Variants in CSPG5 observed in about 807,000 individuals in gnomAD.
CSPG5 encodes the protein chondroitin sulfate proteoglycan 5.
Under a neutral mutation model 39.8 loss-of-function variants are expected in CSPG5, and 25 were observed. The observed-to-expected ratio is 0.63, with a 90% confidence interval of 0.46 to 0.88. The LOEUF is 0.88. CSPG5 is among the 40% of genes least tolerant of loss of function. The pLI, the probability that CSPG5 is intolerant of heterozygous loss-of-function variation, is 0.00. For missense variants in CSPG5, 627 were observed against 702.2 expected (o/e 0.89, Z 1.21); for synonymous variants, 295 against 303.9 (o/e 0.97, Z 0.31).
chr3:47,572,754 C>G lies in CSPG5; in HGVS notation c.1314G>C (p.Met438Ile), dbSNP rs202231046. The change falls in exon 3 of 5, where the codon ATG becomes ATC. Residue 438 changes from methionine to isoleucine, a missense_variant. Coordinates refer to ENST00000264723, the MANE Select transcript of CSPG5 (RefSeq NM_006574.4). The surrounding 1 kb of genome is among the most constrained non-coding windows in gnomAD (Gnocchi z 4.5). ...GCTTCTTGGCAAAGAACACCGTCAT[C>G]ATGAAGAGCAGGAGCAGGACGAGGG... Reference protein sequence around the residue: ...SAALVLLLLFMMTVFFAKKLY... With the variant: ...SAALVLLLLFIMTVFFAKKLY... 9 of 1,614,092 alleles carry G rather than the reference C, an allele frequency of 5.6e-6. No individual in the cohort carries two copies. Among genetic ancestry groups the G allele is most frequent in the Non-Finnish European group, 7.6e-6 (9 of 1,180,044 alleles).
intron 2 of CSPG5, among the ~76,000 whole-genome samples, chr3:47,573,451 C>A (rs187029027): frequency 4.7e-4 from 72 of 152,160 alleles, no homozygotes; most frequent in African/African-American, 1.6e-3. Context: ...TCTCTGCAGC[C>A]CCCCCAAGTT....
Position 47,578,640 on chromosome 3 carries a change from C to T in CSPG5, c.54G>A (p.Leu18=). 8.6e-7 allele frequency: 1 copy of T among 1,162,466 alleles called. No homozygotes were observed. 72.0% of individuals were successfully genotyped at this position (1,162,466 alleles called of 1,614,324 possible). ...CCAGGACCAGCGCGGCCCCCAGAAA[C>T]AGCAGCAGTGGCGGCGGCCCCCGGC... is the stretch of plus-strand genomic sequence containing the variant. ...GPGRGPPPLL[L]FLGAALVLAS... The change falls in exon 1 of 5, where the codon CTG becomes CTA. Residue 18 remains leucine, a synonymous_variant. Transcript: ENST00000264723. The surrounding 1 kb of genome is among the most constrained non-coding windows in gnomAD (Gnocchi z 6.0).
chr3:47,577,858 G>C lies in CSPG5; in HGVS notation c.168C>G (p.Ala56=). ...VKGSPAWEPP[A]NDTREEAGPP... ...GGCCGGCTTCTTCCCGCGTGTCGTT[G>C]GCAGGCGGCTCCCACGCCGGGCTGC... is the stretch of plus-strand genomic sequence containing the variant. The change falls in exon 2 of 5, where the codon GCC becomes GCG. Residue 56 remains alanine (A), a synonymous_variant. Coordinates refer to ENST00000264723, the MANE Select transcript of CSPG5 (RefSeq NM_006574.4). The surrounding 1 kb of genome is among the most constrained non-coding windows in gnomAD (Gnocchi z 4.7). 1 of 1,535,502 alleles carries C rather than the reference G, an allele frequency of 6.5e-7. No individual in the cohort carries two copies. Among genetic ancestry groups the C allele is most frequent in the Non-Finnish European group, 8.7e-7 (1 of 1,152,862 alleles).
In CSPG5 at chr3:47,565,020, A is replaced by G. The variant is rs139316853; in HGVS notation, c.1459-2259T>C. Among the ~76,000 whole-genome samples, 3 of 152,198 alleles carry G rather than the reference A, an allele frequency of 2.0e-5. No homozygotes were observed. In the East Asian group the frequency reaches 5.8e-4, roughly 29 times the overall value. ...TCTTACAAGGATACAACTTGCTTTTATGTCTTTCAAGATAACCTCCCACCC... is the reference window on the plus strand; with the variant it reads ...TCTTACAAGGATACAACTTGCTTTTGTGTCTTTCAAGATAACCTCCCACCC... On this transcript the variant is annotated intron_variant, in intron 4 of 4. Transcript: ENST00000264723.
In CSPG5 at chr3:47,569,170, G is replaced by A. The variant is rs769154206; in HGVS notation, c.1440C>T (p.Ala480=). The change falls in exon 4 of 5, where the codon GCC becomes GCT. Residue 480 remains alanine, a synonymous_variant. Transcript: ENST00000264723. ...HNDNFSLSTI[A]EGSHPNDDPS... Reference sequence around the variant, plus strand: ...TCCTTACATTTGGGTGAGAGCCCTCGGCAATGGTGGAGAGGGAGAAGTTAT... The same window carrying A: ...TCCTTACATTTGGGTGAGAGCCCTCAGCAATGGTGGAGAGGGAGAAGTTAT... 2.2e-5 allele frequency: 35 copies of A among 1,612,214 alleles called. No homozygotes were observed. In the East Asian group the frequency reaches 2.2e-4, roughly 10 times the overall value.
In CSPG5 at chr3:47,578,036, A is replaced by T; in HGVS notation, c.98-108T>A. ...GCTCGCCTAGACCTGGTCAACCCAG[A>T]CCTCGCCACCCTCAGACCCCACCGC... On this transcript the variant is annotated intron_variant, in intron 1 of 4. Coordinates refer to ENST00000264723, the MANE Select transcript of CSPG5 (RefSeq NM_006574.4). This position sits in a 1 kb window ranked among gnomAD's most constrained non-coding sequence, Gnocchi z 6.0. 1 of 1,321,188 alleles carries T rather than the reference A, an allele frequency of 7.6e-7. No homozygotes were observed. Among genetic ancestry groups the T allele is most frequent in the Non-Finnish European group, 9.6e-7 (1 of 1,041,068 alleles). 81.8% of individuals were successfully genotyped at this position (1,321,188 alleles called of 1,614,324 possible). A position where few individuals can be genotyped will look rare whatever the true frequency, so the allele number is the denominator to read the frequency against.
chr3:47,564,687 C>A (rs1464054648), intron 4 of CSPG5, among the ~76,000 whole-genome samples: 1 of 151,902 alleles, frequency 6.6e-6, no homozygotes, highest in Non-Finnish European at 1.5e-5. Flanking sequence ...GGAAAGATCT[C>A]CATCATACAC....
At position 47,576,922 on chromosome 3, in the gene CSPG5, G is replaced by C; in HGVS notation, c.1104C>G (p.Gly368=). The C allele has an allele frequency of 1.2e-6, 2 of 1,612,074 alleles. No individual in the cohort carries two copies. Among genetic ancestry groups the C allele is most frequent in the African/African-American group, 2.7e-5 (2 of 75,028 alleles). ...AGAGGTCGCACACTGACCGGCAGGA[G>C]CCGTTATGCCGCACAAAGCCACTGC... is the stretch of plus-strand genomic sequence containing the variant. ...ECRSGFVRHN[G]SCRSVCDLFP... is the part of the protein sequence containing the mutation. Residue 368 remains glycine (G), a synonymous_variant, in exon 2 of 5, where the codon GGC becomes GGG. Coordinates refer to ENST00000264723, the MANE Select transcript of CSPG5 (RefSeq NM_006574.4).
At chr3:47,564,777 TTGTG>T (rs2031225854) in intron 4 of CSPG5, among the ~76,000 whole-genome samples, 1 of 152,032 alleles carries the variant, frequency 6.6e-6, no homozygotes, top group Non-Finnish European at 1.5e-5. Context: ...AGGTGTGTGT[TTGTG>T]TGTGTATATA....
In CSPG5 at chr3:47,562,779, T is replaced by TG. The variant is rs2031135962; in HGVS notation, c.1459-19_1459-18insC. The TG allele has an allele frequency of 7.0e-7, 1 of 1,433,636 alleles. No homozygotes were observed. The highest frequency in any genetic ancestry group is 9.7e-7 in the Non-Finnish European group (1 of 1,029,464). The allele number at this position is 1,433,636 out of a possible 1,614,324, so 88.8% of individuals were successfully genotyped here. On this transcript the variant is annotated intron_variant, in intron 4 of 4. Transcript: ENST00000264723. ...GGATCATCCTGGAAGAGGGAAAAAG[T>TG]TGGGGGGGGGGAGACAATGCATACA... is the stretch of plus-strand genomic sequence containing the variant.
chr3:47,574,802 G>A (rs1283497039), intron 2 of CSPG5, among the ~76,000 whole-genome samples: 1 of 152,150 alleles, frequency 6.6e-6, no homozygotes, highest in African/African-American at 2.4e-5. Flanking sequence ...AGCTGGGCGT[G>A]GTGGCGGGCG....
In CSPG5 at chr3:47,576,914, C is replaced by A; in HGVS notation, c.1112G>T (p.Arg371Leu). The A allele has an allele frequency of 6.2e-7, 1 of 1,610,090 alleles. No homozygotes were observed. The highest frequency in any genetic ancestry group is 8.5e-7 in the Non-Finnish European group (1 of 1,177,658). ...SGFVRHNGSC[R>L]SVCDLFPSYC... is the part of the protein sequence containing the mutation. Reference sequence around the variant, plus strand: ...ACTTGGGAAGAGGTCGCACACTGACCGGCAGGAGCCGTTATGCCGCACAAA... The same window carrying A: ...ACTTGGGAAGAGGTCGCACACTGACAGGCAGGAGCCGTTATGCCGCACAAA... The change falls in exon 2 of 5, where the codon CGG (arginine) becomes CTG (leucine). Residue 371 changes from arginine (R) to leucine (L), a missense_variant. By Grantham distance (102) the Arg-to-Leu change is moderately radical (BLOSUM62 -2). Transcript: ENST00000264723.
rs1207005902 is a variant in CSPG5, at chr3:47,578,436, C to T, written c.97+161G>A. ...CCCACGCGGGTCGGCCTTTCCCGGA[C>T]CCCCACCACCTCCTGGGACCATTCC... On this transcript the variant is annotated intron_variant, in intron 1 of 4. Coordinates refer to ENST00000264723, the MANE Select transcript of CSPG5 (RefSeq NM_006574.4). The surrounding 1 kb of genome is among the most constrained non-coding windows in gnomAD (Gnocchi z 6.0). 2.0e-5 allele frequency among the ~76,000 whole-genome samples: 3 copies of T among 150,214 alleles called. No individual in the cohort carries two copies. The East Asian group carries it at 5.9e-4, about 30-fold the overall frequency.
chr3:47,575,381 A>G (rs550874449), intron 2 of CSPG5, among the ~76,000 whole-genome samples: 1 of 152,306 alleles, frequency 6.6e-6, no homozygotes, highest in East Asian at 1.9e-4. Flanking sequence ...GATGGAGACA[A>G]GCAAACCACC....
Position 47,578,650 on chromosome 3 carries a change from G to A in CSPG5, c.44C>T (p.Pro15Leu), listed in dbSNP as rs1469247080. ...GGGGPGRGPP[P>L]LLLFLGAALV... ...CGCGGCCCCCAGAAACAGCAGCAGT[G>A]GCGGCGGCCCCCGGCCCGGGCCCCC... Residue 15 changes from proline to leucine, a missense_variant, in exon 1 of 5, where the codon CCA becomes CTA. Coordinates refer to ENST00000264723, the MANE Select transcript of CSPG5 (RefSeq NM_006574.4). The surrounding 1 kb of genome is among the most constrained non-coding windows in gnomAD (Gnocchi z 6.0). 10 of 1,136,808 alleles carry A rather than the reference G, an allele frequency of 8.8e-6. No individual in the cohort carries two copies. The East Asian group carries it at 4.2e-4, about 48-fold the overall frequency. 70.4% of individuals were successfully genotyped at this position (1,136,808 alleles called of 1,614,324 possible).
chr3:47,568,885 C>A (rs902829147), intron 4 of CSPG5, among the ~76,000 whole-genome samples: 2 of 152,044 alleles, frequency 1.3e-5, no homozygotes, highest in East Asian at 1.9e-4. Context: ...CCTTTTGTAT[C>A]GAAAATTCTG....
Position 47,576,865 on chromosome 3 carries a change from G to C in CSPG5, c.1161C>G (p.Cys387Trp). 1 of 1,581,768 alleles carries C rather than the reference G, an allele frequency of 6.3e-7. No individual in the cohort carries two copies. The change falls in exon 2 of 5, where the codon TGC becomes TGG. Residue 387 changes from cysteine to tryptophan, a missense_variant. Coordinates refer to ENST00000264723, the MANE Select transcript of CSPG5 (RefSeq NM_006574.4). ...FPSYCHNGGQCYLVENIGAFC... is the reference protein window; with the variant it reads ...FPSYCHNGGQWYLVENIGAFC... The stretch of plus-strand genomic sequence containing the variant: ...AGGCCCCTATGTTCTCCACCAGGTA[G>C]CACTGGCCGCCATTGTGACAGTAAC...
At chr3:47,574,097 ATG>A (rs1380216878) in intron 2 of CSPG5, among the ~76,000 whole-genome samples, 1 of 152,182 alleles carries the variant, frequency 6.6e-6, no homozygotes, top group East Asian at 1.9e-4. Context: ...GGAGGCCCGA[ATG>A]TGATCCTGGG....
chr3:47,562,784 G>C (rs773894819), intron 4 of CSPG5, 23 bp from the exon 5 acceptor site: 32 of 1,584,508 alleles, frequency 2.0e-5, no homozygotes, highest in Middle Eastern at 2.0e-4. Context: ...AAAAGTTGGG[G>C]GGGGGGAGAC....
Sources: gnomAD v4.1 joint callset for allele counts (sites outside exome capture counted in the v4.1 genomes callset) on GRCh38, gnomAD v4.1.1 for gene constraint, Gnocchi (gnomAD v3.1) non-coding constraint, MANE v1.5 for transcripts, NCBI Gene and HGNC (gene_info 2026-07-23, HGNC 2026-07-21) for gene names.